Variants in CCDC30 observed in about 807,000 individuals in gnomAD.
CCDC30 encodes coiled-coil domain containing 30.
CCDC30 carries 70 observed loss-of-function variants against 100.2 expected under a neutral mutation model. The observed-to-expected ratio is 0.70, with a 90% CI of 0.58 to 0.85. The LOEUF (loss-of-function observed/expected upper bound fraction) is 0.85. CCDC30 is among the 40% of genes least tolerant of loss of function. The pLI, the probability that CCDC30 is intolerant of heterozygous loss-of-function variation, is 0.00. For synonymous variants in CCDC30, 233 were observed against 269.5 expected (o/e 0.86, Z 1.33); for missense variants, 652 against 771.2 (o/e 0.85, Z 1.83).
rs1356540355 is a variant in CCDC30, at chr1:42,542,537, TTC to T, written c.457-23757_457-23756del. 9.3e-4 allele frequency among the ~76,000 whole-genome samples: 108 copies of T among 115,818 alleles called. 3 individuals carry two copies. The highest frequency in any genetic ancestry group is 3.3e-3 in the African/African-American group (101 of 30,788). 76.0% of individuals were successfully genotyped at this position (115,818 alleles called of 152,430 possible). A position where few individuals can be genotyped will look rare whatever the true frequency, so the allele number is the denominator to read the frequency against. On this transcript the variant is annotated intron_variant, in intron 6 of 16. Transcript: ENST00000668663. ...ACCACACCTGGCTAATTTTAAATTT[TTC>T]TTTTTTTTTTTTTTTTTTTTTTGAG...
chr1:42,644,945 T>G (rs1164853280), intron 14 of CCDC30, 138 bp downstream of exon 18: 6 of 621,690 alleles, frequency 9.7e-6, no homozygotes, highest in Non-Finnish European at 1.4e-5. Context: ...GCAAAGAGGC[T>G]CTTGGCTGCA....
At chr1:42,463,193 C>T (rs1173584185), upstream of CCDC30, 2 of 152,248 alleles carry the variant, frequency 1.3e-5, no homozygotes, top group African/African-American at 4.8e-5. Flanking sequence ...TAACAGTCTC[C>T]ACAAGAACCA....
chr1:42,496,216 ATAC>A (rs1271221522), intron 4 of CCDC30, among the ~76,000 whole-genome samples: 3 of 151,776 alleles, frequency 2.0e-5, no homozygotes, highest in Non-Finnish European at 4.4e-5. Flanking sequence ...TGTTGTGAAG[ATAC>A]TGGAATAATT....
At chr1:42,633,913 G>A (rs1329331664) in intron 11 of CCDC30, among the ~76,000 whole-genome samples, 1 of 152,092 alleles carries the variant, frequency 6.6e-6, no homozygotes, top group East Asian at 1.9e-4. Context: ...GTGGCACAAG[G>A]AGAAGCAAAC....
At chr1:42,548,898 G>A (rs1196175720) in intron 6 of CCDC30, among the ~76,000 whole-genome samples, 1 of 152,164 alleles carries the variant, frequency 6.6e-6, no homozygotes, top group Non-Finnish European at 1.5e-5. Context: ...CTGCTTATAA[G>A]CCAAGTTGAT....
chr1:42,522,042 T>C (rs954265955), intron 6 of CCDC30, among the ~76,000 whole-genome samples: 1 of 152,146 alleles, frequency 6.6e-6, no homozygotes, highest in Non-Finnish European at 1.5e-5. Context: ...TTATATAAAA[T>C]GGTGTAGGTA....
At chr1:42,559,120 C>T (rs941252963) in intron 6 of CCDC30, among the ~76,000 whole-genome samples, 4 of 152,242 alleles carry the variant, frequency 2.6e-5, no homozygotes, top group East Asian at 3.9e-4. Context: ...ACCAGGCCTG[C>T]GCTGCAAGAG....
In CCDC30 at chr1:42,577,604, G is replaced by A. The variant is rs540908922; in HGVS notation, c.846+375G>A. Among the ~76,000 whole-genome samples the A allele has an allele frequency of 5.3e-5, 8 of 152,040 alleles. No homozygotes were observed. In the East Asian group the frequency reaches 5.8e-4, roughly 11 times the overall value. ...TTTTTTCATTGACAAACAATTGTAC[G>A]TGTTCATGGGGTACATAGTGATGTT... On this transcript the variant is annotated intron_variant, in intron 8 of 16. Coordinates refer to ENST00000668663, the Ensembl canonical transcript of CCDC30.
intron 10 of CCDC30, chr1:42,589,883 A>T (rs557928177): frequency 1.3e-5 from 2 of 157,678 alleles, no homozygotes; most frequent in African/African-American, 4.8e-5. Flanking sequence ...AAAGACAAAC[A>T]AACCTGTTTC....
intron 6 of CCDC30, among the ~76,000 whole-genome samples, chr1:42,526,258 A>C (rs1004373982): frequency 2.0e-5 from 3 of 152,182 alleles, no homozygotes; most frequent in Non-Finnish European, 2.9e-5. Context: ...GTGTCTGAGA[A>C]GAGTTGTTTT....
Position 42,616,154 on chromosome 1 carries a change from G to A in CCDC30, c.1277+5064G>A, listed in dbSNP as rs146446981. Among the ~76,000 whole-genome samples the A allele has an allele frequency of 7.0e-3, 1,063 of 152,238 alleles. 21 individuals carry two copies. The highest frequency in any genetic ancestry group is 0.024 in the African/African-American group (998 of 41,540). On this transcript the variant is annotated intron_variant, in intron 11 of 16. Coordinates refer to ENST00000668663, the Ensembl canonical transcript of CCDC30. ...TGGTCTCGAACTCCTGACCTCAGACGATCCACTCGCCTTGGCCTCCCAAAG... is the reference window on the plus strand; with the variant it reads ...TGGTCTCGAACTCCTGACCTCAGACAATCCACTCGCCTTGGCCTCCCAAAG...
intron 6 of CCDC30, 72 bp downstream of exon 8, chr1:42,539,382 T>C: frequency 2.9e-6 from 4 of 1,363,472 alleles, no homozygotes; most frequent in Non-Finnish European, 4.0e-6. Flanking sequence ...AAAAGGAAAT[T>C]AATTTTAAGC....
intron 6 of CCDC30, among the ~76,000 whole-genome samples, chr1:42,544,248 T>A (rs1014321491): frequency 6.6e-6 from 1 of 152,210 alleles, no homozygotes; most frequent in African/African-American, 2.4e-5. Flanking sequence ...CTGAAGGAAA[T>A]GTTTTTTCAT....
At chr1:42,613,399 C>A (rs1014801096) in intron 11 of CCDC30, among the ~76,000 whole-genome samples, 2 of 152,270 alleles carry the variant, frequency 1.3e-5, no homozygotes, top group South Asian at 2.1e-4. Context: ...GGACCACAGG[C>A]GCCCACTGCC....
chr1:42,638,074 A>G (rs900031723), intron 12 of CCDC30, among the ~76,000 whole-genome samples: 3 of 152,256 alleles, frequency 2.0e-5, no homozygotes, highest in Admixed American at 6.5e-5. Context: ...TACCATAACC[A>G]TTAATGTAAT....
At chr1:42,576,908 A>T in intron 7 of CCDC30, 112 bp from the exon 12 acceptor site, 1 of 714,444 alleles carries the variant, frequency 1.4e-6, no homozygotes, top group Non-Finnish European at 2.3e-6. Flanking sequence ...CAGCCATGTG[A>T]CATTGGTATT....
the CCDC30 span, chr1:42,457,183 G>A: frequency 2.1e-4 from 345 of 1,606,696 alleles, no homozygotes; most frequent in Non-Finnish European, 2.9e-4. Flanking sequence ...AACCCGAGTT[G>A]AGAAGGAGCT....
intron 10 of CCDC30, among the ~76,000 whole-genome samples, chr1:42,599,130 G>A (rs1646351310): frequency 6.6e-6 from 1 of 152,146 alleles, no homozygotes; most frequent in Admixed American, 6.5e-5. Context: ...TAAGAGATAA[G>A]TTGTTCAGCA....
intron 6 of CCDC30, among the ~76,000 whole-genome samples, chr1:42,501,971 C>T (rs560679681): frequency 6.6e-6 from 1 of 152,334 alleles, no homozygotes; most frequent in South Asian, 2.1e-4. Flanking sequence ...AACCACTACT[C>T]TCTTCAAAGC....
Sources: gnomAD v4.1 joint callset for allele counts (sites outside exome capture counted in the v4.1 genomes callset) on GRCh38, gnomAD v4.1.1 for gene constraint, MANE v1.5 for transcripts, NCBI Gene and HGNC (gene_info 2026-07-23, HGNC 2026-07-21) for gene names.